The following FSTL4 variants were observed in gnomAD, a reference collection of about 807,000 sequenced individuals.
FSTL4 encodes the protein follistatin like 4.
FSTL4 carries 28 observed loss-of-function variants against 78.2 expected under a neutral mutation model. The observed-to-expected ratio is 0.36, with a 90% CI of 0.27 to 0.49. FSTL4 has a LOEUF of 0.49. FSTL4 is among the 20% of genes least tolerant of loss of function. The pLI, the probability that FSTL4 is intolerant of heterozygous loss-of-function variation, is 0.98. For synonymous variants in FSTL4, 422 were observed against 440.5 expected, an observed-to-expected ratio of 0.96 and a Z score of 0.53; for missense variants, 922 against 1,084.9, an observed-to-expected ratio of 0.85 and a Z score of 2.11.
At chr5:133,551,119 G>C (rs1422300579) in intron 3 of FSTL4, among the ~76,000 whole-genome samples, 3 of 152,096 alleles carry the variant, frequency 2.0e-5, no homozygotes, top group Non-Finnish European at 4.4e-5. Context: ...TTCTTTCATA[G>C]CAGTCAAGCA....
the FSTL4 span, among the ~76,000 whole-genome samples, chr5:133,717,415 G>T: frequency 2.6e-5 from 4 of 152,314 alleles, no homozygotes; most frequent in East Asian, 7.7e-4. Context: ...TTGTTTTTTA[G>T]AAGTTCTTTA....
At chr5:133,737,797 G>A in the FSTL4 span, among the ~76,000 whole-genome samples, 1 of 151,986 alleles carries the variant, frequency 6.6e-6, no homozygotes, top group South Asian at 2.1e-4. Context: ...TAGAGACGGG[G>A]TTTCACCAAC....
rs1415667167 is a variant in FSTL4 at position 133,233,504 on chromosome 5, TG to T, written c.927del (p.Lys310ArgfsTer2). Reference protein sequence around the residue: ...DFGEDDSLYITKVTTIHMGNY... With the variant: ...DFGEDDSLYIXKVTTIHMGNY... Reference sequence around the variant, plus strand: ...TTGCCCATGTGGATGGTGGTCACCTTGGTGATGTACAGGGAATCATCCTCTC... The same window carrying T: ...TTGCCCATGTGGATGGTGGTCACCTTGTGATGTACAGGGAATCATCCTCTC... On this transcript the variant is annotated frameshift_variant, in exon 8 of 16. Transcript: ENST00000265342. LOFTEE classifies it high-confidence loss of function. The T allele has an allele frequency of 6.2e-7, 1 of 1,614,154 alleles. No homozygotes were observed. Among genetic ancestry groups the T allele is most frequent in the Non-Finnish European group, 8.5e-7 (1 of 1,179,998 alleles).
the FSTL4 span, among the ~76,000 whole-genome samples, chr5:133,761,003 A>G: frequency 6.6e-6 from 1 of 152,286 alleles, no homozygotes; most frequent in South Asian, 2.1e-4. Context: ...TTGCACACAG[A>G]CTTCATCCCG....
chr5:133,811,534 T>C, the FSTL4 span, among the ~76,000 whole-genome samples: 7 of 152,202 alleles, frequency 4.6e-5, no homozygotes, highest in Non-Finnish European at 7.3e-5. Flanking sequence ...CTGAGCCGCC[T>C]TGGGCCTGAG....
chr5:133,627,277 C>T, the FSTL4 span, among the ~76,000 whole-genome samples: 13 of 151,340 alleles, frequency 8.6e-5, no homozygotes, highest in East Asian at 1.9e-4. Flanking sequence ...CATAGTTCCA[C>T]GTGGCTGAGG....
chr5:133,341,058 G>A (rs565194470), intron 4 of FSTL4, among the ~76,000 whole-genome samples: 4 of 152,174 alleles, frequency 2.6e-5, no homozygotes, highest in Non-Finnish European at 4.4e-5. Flanking sequence ...AGCAGGGGCC[G>A]CCAGCCCACT....
chr5:133,651,489 T>G, the FSTL4 span, among the ~76,000 whole-genome samples: 2 of 152,162 alleles, frequency 1.3e-5, no homozygotes, highest in African/African-American at 4.8e-5. Flanking sequence ...CTGCATCTAC[T>G]GATATGATCA....
chr5:133,295,149 C>G (rs758001351), intron 6 of FSTL4, among the ~76,000 whole-genome samples: 2 of 152,188 alleles, frequency 1.3e-5, no homozygotes, highest in African/African-American at 4.8e-5. Flanking sequence ...ACTTCCACAT[C>G]TCTTCCCTTA....
intron 3 of FSTL4, among the ~76,000 whole-genome samples, chr5:133,530,136 G>A (rs189744551): frequency 7.9e-5 from 12 of 152,276 alleles, no homozygotes; most frequent in Non-Finnish European, 1.8e-4. Context: ...TTCTGTGCCA[G>A]CCCTTGAGAC....
At chr5:133,809,538 A>G in the FSTL4 span, among the ~76,000 whole-genome samples, 158 of 152,066 alleles carry the variant, frequency 1.0e-3, no homozygotes, top group African/African-American at 3.7e-3. Context: ...GGTCTCAACA[A>G]ACAAGATCTG....
At chr5:133,665,844 GC>G in the FSTL4 span, among the ~76,000 whole-genome samples, 1 of 152,182 alleles carries the variant, frequency 6.6e-6, no homozygotes, top group South Asian at 2.1e-4. Context: ...GAGCAAGAGA[GC>G]CCAGGCCTGT....
At chr5:133,404,046 C>T (rs1412611691) in intron 3 of FSTL4, among the ~76,000 whole-genome samples, 1 of 152,228 alleles carries the variant, frequency 6.6e-6, no homozygotes, top group Non-Finnish European at 1.5e-5. Flanking sequence ...TTGTCAAGAA[C>T]ACTCAGGTTC....
intron 3 of FSTL4, among the ~76,000 whole-genome samples, chr5:133,562,019 A>G (rs1026229752): frequency 1.3e-5 from 2 of 152,178 alleles, no homozygotes; most frequent in Non-Finnish European, 2.9e-5. Context: ...CTTTGAGCCC[A>G]GTGACTGTAG....
the FSTL4 span, among the ~76,000 whole-genome samples, chr5:133,775,522 T>C: frequency 1.3e-5 from 2 of 152,204 alleles, no homozygotes; most frequent in African/African-American, 4.8e-5. Context: ...GTAATGGTAT[T>C]GACGACAAAA....
At chr5:133,458,754 G>A (rs1006847157) in intron 3 of FSTL4, among the ~76,000 whole-genome samples, 2 of 152,248 alleles carry the variant, frequency 1.3e-5, no homozygotes, top group East Asian at 1.9e-4. Flanking sequence ...GTCTGTGGGA[G>A]TATTATCACC....
chr5:133,677,066 C>T, the FSTL4 span, among the ~76,000 whole-genome samples: 2 of 152,216 alleles, frequency 1.3e-5, no homozygotes, highest in Admixed American at 6.5e-5. Context: ...TTAGTACATT[C>T]GTGCTCACAC....
intron 1 of FSTL4, among the ~76,000 whole-genome samples, chr5:133,608,255 A>G (rs1242561846): frequency 6.6e-6 from 1 of 152,214 alleles, no homozygotes; most frequent in African/African-American, 2.4e-5. Flanking sequence ...CTGTCCCCAT[A>G]TAAAGAGCTG....
chr5:133,741,609 C>T, the FSTL4 span, among the ~76,000 whole-genome samples: 80 of 152,304 alleles, frequency 5.3e-4, no homozygotes, highest in African/African-American at 1.9e-3. Flanking sequence ...CTACATCACA[C>T]AATGAACAGC....
Sources: allele counts gnomAD v4.1 joint callset (sites outside exome capture counted in the v4.1 genomes callset), GRCh38; gene constraint gnomAD v4.1.1; transcripts MANE v1.5; gene names NCBI Gene and HGNC (gene_info 2026-07-23, HGNC 2026-07-21).